Variants in KLRG1 observed in about 807,000 individuals in gnomAD.
The protein encoded by KLRG1 is killer cell lectin-like receptor subfamily G member 1.
KLRG1 carries 16 observed loss-of-function variants against 21.8 expected under a neutral mutation model. The observed-to-expected ratio is 0.73, with a 90% confidence interval of 0.50 to 1.11. The LOEUF (loss-of-function observed/expected upper bound fraction) is 1.11, where lower values mean the gene tolerates loss of function less well. Among genes scored for constraint, KLRG1 ranks in the 50% most tolerant of loss-of-function variants. The pLI is 0.00. For missense variants in KLRG1, 173 were observed against 218.3 expected (o/e 0.79, Z 1.31); for synonymous variants, 69 against 75.9 (o/e 0.91, Z 0.47).
the KLRG1 span, chr12:9,052,976 A>G: frequency 2.8e-6 from 1 of 359,872 alleles, no homozygotes; most frequent in African/African-American, 2.2e-5. Flanking sequence ...CCTGTACAGC[A>G]GGTCCTCCAA....
At chr12:9,204,835 C>G in the KLRG1 span, among the ~76,000 whole-genome samples, 1 of 151,964 alleles carries the variant, frequency 6.6e-6, no homozygotes. Context: ...GTGGCTTATA[C>G]CTAGTTCCCG....
the KLRG1 span, among the ~76,000 whole-genome samples, chr12:9,213,483 A>G: frequency 2.0e-5 from 3 of 152,070 alleles, no homozygotes; most frequent in South Asian, 4.1e-4. Flanking sequence ...TTTTGGCAAC[A>G]TTTGTTATTC....
chr12:9,212,520 A>C, the KLRG1 span, among the ~76,000 whole-genome samples: 25 of 152,312 alleles, frequency 1.6e-4, no homozygotes, highest in African/African-American at 5.5e-4. Flanking sequence ...TAATATGTAT[A>C]GTTGAGGCCA....
chr12:9,012,859 T>A (rs186180679), downstream of KLRG1, among the ~76,000 whole-genome samples: 1 of 152,080 alleles, frequency 6.6e-6, no homozygotes, highest in Admixed American at 6.6e-5. Flanking sequence ...GAGGGAACAT[T>A]AGTGATAGCC....
chr12:9,053,419 CAATA>C, the KLRG1 span, among the ~76,000 whole-genome samples: 1 of 152,178 alleles, frequency 6.6e-6, no homozygotes, highest in African/African-American at 2.4e-5. Context: ...AGATACATGG[CAATA>C]AATGATGCAG....
At chr12:8,992,694 G>A (rs1421022733) in intron 2 of KLRG1, among the ~76,000 whole-genome samples, 1 of 151,182 alleles carries the variant, frequency 6.6e-6, no homozygotes, top group Non-Finnish European at 1.5e-5. Context: ...GCTAATTTTT[G>A]TATTATTATT....
chr12:9,014,777 CA>C (rs1219363064), downstream of KLRG1, among the ~76,000 whole-genome samples: 253 of 141,484 alleles, frequency 1.8e-3, no homozygotes, highest in African/African-American at 2.9e-3. Flanking sequence ...AAAGATTAAC[CA>C]AAAAAAAAAA....
At chr12:9,211,685 T>C in the KLRG1 span, among the ~76,000 whole-genome samples, 1 of 152,216 alleles carries the variant, frequency 6.6e-6, no homozygotes, top group Non-Finnish European at 1.5e-5. Flanking sequence ...TAACTTTGCA[T>C]TGGTTTCTAT....
chr12:9,173,255 A>G, the KLRG1 span, among the ~76,000 whole-genome samples: 6 of 152,398 alleles, frequency 3.9e-5, no homozygotes, highest in African/African-American at 1.4e-4. Flanking sequence ...GGCAGAAATC[A>G]AGAAGTTATT....
chr12:9,089,896 A>G, the KLRG1 span: 2 of 1,606,156 alleles, frequency 1.2e-6, no homozygotes, highest in African/African-American at 2.7e-5. Flanking sequence ...ATTTAGGTTT[A>G]CTTACTTCAA....
the KLRG1 span, among the ~76,000 whole-genome samples, chr12:9,174,559 A>C: frequency 6.6e-6 from 1 of 152,126 alleles, no homozygotes; most frequent in Admixed American, 6.5e-5. Flanking sequence ...TATCTAGAAA[A>C]CCCCATTATC....
the KLRG1 span, among the ~76,000 whole-genome samples, chr12:9,016,981 C>A: frequency 6.6e-6 from 1 of 152,082 alleles, no homozygotes; most frequent in Middle Eastern, 3.4e-3. Flanking sequence ...GCCAGTATTA[C>A]CCTGATACAA....
At chr12:9,139,002 C>G in the KLRG1 span, among the ~76,000 whole-genome samples, 2 of 151,748 alleles carry the variant, frequency 1.3e-5, no homozygotes, top group Non-Finnish European at 2.9e-5. Flanking sequence ...TTTCTAGCCT[C>G]TTGAAGTATA....
the KLRG1 span, among the ~76,000 whole-genome samples, chr12:9,045,252 AGAAGAT>A: frequency 6.6e-6 from 1 of 152,184 alleles, no homozygotes; most frequent in Non-Finnish European, 1.5e-5. Context: ...GTTTTGCGAG[AGAAGAT>A]ACCACAGCTG....
the KLRG1 span, among the ~76,000 whole-genome samples, chr12:9,185,790 A>ATTTCTTTTCT: frequency 2.2e-3 from 292 of 134,318 alleles, 6 homozygotes; most frequent in South Asian, 0.021. Context: ...TATGTTCAAC[A>ATTTCTTTTCT]TTTCTTTTCT....
chr12:9,204,801 AC>A, the KLRG1 span, among the ~76,000 whole-genome samples: 2 of 152,172 alleles, frequency 1.3e-5, no homozygotes, highest in Non-Finnish European at 2.9e-5. Context: ...ATAAAAAAAA[AC>A]AAACAGGTTC....
At chr12:9,040,699 G>T in the KLRG1 span, among the ~76,000 whole-genome samples, 2 of 152,124 alleles carry the variant, frequency 1.3e-5, no homozygotes, top group African/African-American at 4.8e-5. Context: ...CCTCACTATT[G>T]TCTCTGGGGT....
At chr12:9,023,210 T>G in the KLRG1 span, among the ~76,000 whole-genome samples, 1 of 152,150 alleles carries the variant, frequency 6.6e-6, no homozygotes, top group Non-Finnish European at 1.5e-5. Context: ...TGGGATCTGA[T>G]GGTATCTCCA....
chr12:9,178,055 G>A, the KLRG1 span, among the ~76,000 whole-genome samples: 4 of 152,280 alleles, frequency 2.6e-5, no homozygotes, highest in Non-Finnish European at 4.4e-5. Context: ...ATTACGCTAT[G>A]AGGAGATATT....
Sources: allele counts gnomAD v4.1 joint callset (sites outside exome capture counted in the v4.1 genomes callset), GRCh38; gene constraint gnomAD v4.1.1; transcripts MANE v1.5; gene names NCBI Gene and HGNC (gene_info 2026-07-23, HGNC 2026-07-21).